RGS10: variants seen among roughly 807,000 people sequenced by gnomAD.
The protein encoded by RGS10 is regulator of G-protein signalling 10.
A neutral mutation model predicts 23.5 loss-of-function variants in RGS10; 11 were observed. The observed-to-expected ratio is 0.47, with a 90% CI of 0.29 to 0.77. The LOEUF (loss-of-function observed/expected upper bound fraction) is 0.77. Among genes scored for constraint, RGS10 ranks in the 30% least tolerant of loss-of-function variants. RGS10 has a pLI of 0.08. For synonymous variants in RGS10, 77 were observed against 83.2 expected (o/e 0.92, Z 0.41); for missense variants, 180 against 226.3 (o/e 0.80, Z 1.31).
chr10:119,504,180 C>CT (rs1424654937), intron 4 of RGS10, among the ~76,000 whole-genome samples: 1 of 152,232 alleles, frequency 6.6e-6, no homozygotes, highest in Non-Finnish European at 1.5e-5. Flanking sequence ...CAAATACGTT[C>CT]TTTTTTGTTG....
At position 119,538,485 on chromosome 10, in the gene RGS10, GGACAAAGGACA is replaced by G. The variant is rs1017274419; in HGVS notation, c.49+4094_49+4104del. Among the ~76,000 whole-genome samples, 1 of 152,222 alleles carries G rather than the reference GGACAAAGGACA, an allele frequency of 6.6e-6. No individual in the cohort carries two copies. Among genetic ancestry groups the G allele is most frequent in the African/African-American group, 2.4e-5 (1 of 41,456 alleles). On this transcript the variant is annotated intron_variant, in intron 1 of 4. Transcript: ENST00000369103. The surrounding 1 kb of genome is among the most constrained non-coding windows in gnomAD (Gnocchi z 4.5). ...GCAGGGGGACCCAGGCTTTGGGACA[GGACAAAGGACA>G]GCTGGGGGAGCAAAGGCACAGAGGG... is the stretch of plus-strand genomic sequence containing the variant.
chr10:119,536,598 C>G (rs1031733648), intron 1 of RGS10: 5 of 1,163,056 alleles, frequency 4.3e-6, no homozygotes, highest in Non-Finnish European at 6.1e-6. Flanking sequence ...AAAAACAAGC[C>G]TCAACATCCT....
rs1261026692 is a variant in RGS10, at chr10:119,527,289, C to A, written c.168+17G>T. 6.3e-7 allele frequency: 1 copy of A among 1,582,362 alleles called. No homozygotes were observed. ...CACACACTGCATCCATCCCGATTAA[C>A]AATGAAAAAGACAAACCCTAAATCT... On this transcript the variant is annotated intron_variant, in intron 2 of 4. Coordinates refer to ENST00000369103, the MANE Select transcript of RGS10 (RefSeq NM_001005339.2). This position sits in a 1 kb window ranked among gnomAD's most constrained non-coding sequence, Gnocchi z 4.2.
At chr10:119,519,073 A>G (rs1844179391) in intron 3 of RGS10, among the ~76,000 whole-genome samples, 2 of 152,082 alleles carry the variant, frequency 1.3e-5, no homozygotes, top group South Asian at 4.1e-4. Context: ...CCTCCCATTC[A>G]TTCCTCACGC....
chr10:119,500,944 C>T (rs764243331), intron 4 of RGS10, among the ~76,000 whole-genome samples: 11 of 152,102 alleles, frequency 7.2e-5, no homozygotes, highest in Non-Finnish European at 1.6e-4. Flanking sequence ...AGAGGACACC[C>T]GACAGAGCTG....
chr10:119,519,425 T>G (rs1326810025), intron 3 of RGS10, among the ~76,000 whole-genome samples: 1 of 125,970 alleles, frequency 7.9e-6, no homozygotes, highest in Non-Finnish European at 1.6e-5. Flanking sequence ...GTCTCCCAGC[T>G]TCTGTCTCCC....
At chr10:119,512,952 T>C (rs1330821709) in intron 4 of RGS10, among the ~76,000 whole-genome samples, 4 of 152,348 alleles carry the variant, frequency 2.6e-5, no homozygotes, top group African/African-American at 9.6e-5. Flanking sequence ...ACATTATTAT[T>C]ACACTTATTA....
chr10:119,514,217 C>T (rs749671270), intron 4 of RGS10, among the ~76,000 whole-genome samples: 175 of 151,904 alleles, frequency 1.2e-3, no homozygotes, highest in Middle Eastern at 3.4e-3. Context: ...ATTAGCCGGG[C>T]GTGGTGGTGT....
intron 4 of RGS10, among the ~76,000 whole-genome samples, chr10:119,515,034 T>C (rs1844125888): frequency 6.6e-6 from 1 of 152,210 alleles, no homozygotes; most frequent in Non-Finnish European, 1.5e-5. Flanking sequence ...CTTTTCATTA[T>C]GCCTCAGGGG....
chr10:119,516,472 G>A, intron 3 of RGS10: 1 of 152,360 alleles, frequency 6.6e-6, no homozygotes, highest in Non-Finnish European at 1.5e-5. Flanking sequence ...GGAGCCTTAG[G>A]ACTGTTTGGC....
At chr10:119,533,394 GGT>G (rs1844353004) in intron 1 of RGS10, among the ~76,000 whole-genome samples, 1 of 151,974 alleles carries the variant, frequency 6.6e-6, no homozygotes, top group African/African-American at 2.4e-5. Flanking sequence ...AGGGGAAGCA[GGT>G]TAAAGTAAGT....
intron 3 of RGS10, among the ~76,000 whole-genome samples, chr10:119,525,009 T>C (rs904015484): frequency 5.3e-5 from 8 of 151,438 alleles, no homozygotes; most frequent in Admixed American, 3.9e-4. Context: ...CCTCAAAAAC[T>C]GGCAACGCGC....
intron 4 of RGS10, among the ~76,000 whole-genome samples, chr10:119,504,549 G>A (rs906781388): frequency 6.6e-6 from 1 of 152,244 alleles, no homozygotes; most frequent in African/African-American, 2.4e-5. Flanking sequence ...CAGTAGTGGG[G>A]TGAATGGTGT....
chr10:119,530,400 C>A (rs2133958402), intron 1 of RGS10, among the ~76,000 whole-genome samples: 1 of 152,222 alleles, frequency 6.6e-6, no homozygotes, highest in East Asian at 1.9e-4. Context: ...TAAATTAGAA[C>A]CAGGCCAGCT....
chr10:119,513,167 T>A (rs1286139766), intron 4 of RGS10, among the ~76,000 whole-genome samples: 2 of 152,168 alleles, frequency 1.3e-5, no homozygotes, highest in Admixed American at 6.6e-5. Flanking sequence ...TTTTAAAAAA[T>A]TTTTCTGAGG....
intron 1 of RGS10, among the ~76,000 whole-genome samples, chr10:119,537,285 G>A (rs919190867): frequency 2.0e-5 from 3 of 151,772 alleles, no homozygotes; most frequent in South Asian, 2.1e-4. Context: ...AGGAGGCTGA[G>A]GCAGGAGAAT....
chr10:119,524,567 T>C lies in RGS10; in HGVS notation c.255+1465A>G, dbSNP rs1844252395. Among the ~76,000 whole-genome samples the C allele has an allele frequency of 6.6e-6, 1 of 152,162 alleles. No homozygotes were observed. Among genetic ancestry groups the C allele is most frequent in the Admixed American group, 6.5e-5 (1 of 15,270 alleles). ...CGATGGTGGTCCCCAGGCCCTGTCC[T>C]CGGTGCTGGAGACAAAGGACAACAA... On this transcript the variant is annotated intron_variant, in intron 3 of 4. Transcript: ENST00000369103. The surrounding 1 kb of genome is among the most constrained non-coding windows in gnomAD (Gnocchi z 5.2).
At chr10:119,502,739 G>C (rs1006527327) in intron 4 of RGS10, among the ~76,000 whole-genome samples, 1 of 152,082 alleles carries the variant, frequency 6.6e-6, no homozygotes, top group South Asian at 2.1e-4. Context: ...TTTATTAAGA[G>C]CATAAGGGCC....
At chr10:119,542,548 G>A (rs1844445424) in intron 1 of RGS10, 42 bp downstream of exon 1, 4 of 1,365,112 alleles carry the variant, frequency 2.9e-6, no homozygotes, top group African/African-American at 1.5e-5. Context: ...CGGGCGAAAC[G>A]GCGCCCCGAC....
Sources: gnomAD v4.1 joint callset for allele counts (sites outside exome capture counted in the v4.1 genomes callset) on GRCh38, gnomAD v4.1.1 for gene constraint, Gnocchi (gnomAD v3.1) non-coding constraint, MANE v1.5 for transcripts, NCBI Gene and HGNC (gene_info 2026-07-23, HGNC 2026-07-21) for gene names.